Variants in LRP11 observed in about 807,000 individuals in gnomAD.
The protein encoded by LRP11 is low-density lipoprotein receptor-related protein 11.
LRP11 carries 25 observed loss-of-function variants against 43.1 expected under a neutral mutation model. The observed-to-expected ratio is 0.58, with a 90% CI of 0.42 to 0.81. The LOEUF (loss-of-function observed/expected upper bound fraction) is 0.81, where lower values mean the gene tolerates loss of function less well. Ranked by LOEUF, LRP11 falls within the 30% of genes least tolerant of loss-of-function variation. The probability of loss-of-function intolerance (pLI) is 0.00; values close to 1 mark genes in which losing one functional copy is unlikely to be tolerated. For missense variants in LRP11, 623 were observed against 665.1 expected, an observed-to-expected ratio of 0.94 and a Z score of 0.70; for synonymous variants, 316 against 299.4, an observed-to-expected ratio of 1.06 and a Z score of -0.57.
intron 1 of LRP11, among the ~76,000 whole-genome samples, chr6:149,859,803 C>T (rs1030119613): frequency 6.6e-6 from 1 of 152,134 alleles, no homozygotes; most frequent in African/African-American, 2.4e-5. Context: ...AATCTATCCC[C>T]TTTCTTTGTG....
At chr6:149,846,953 T>TAGAATAGAATAGAATAG (rs1554259656) in intron 2 of LRP11, among the ~76,000 whole-genome samples, 2 of 131,414 alleles carry the variant, frequency 1.5e-5, no homozygotes, top group African/African-American at 5.9e-5. Context: ...TAAAATAAAA[T>TAGAATAGAATAGAATAG]AATAGAATAG....
intron 5 of LRP11, among the ~76,000 whole-genome samples, chr6:149,833,464 TTAA>T (rs1776434770): frequency 1.3e-5 from 2 of 152,174 alleles, no homozygotes; most frequent in African/African-American, 2.4e-5. Flanking sequence ...TGATGAATAG[TTAA>T]TAATACATGA....
intron 2 of LRP11, among the ~76,000 whole-genome samples, chr6:149,843,793 C>G (rs913216982): frequency 6.6e-6 from 1 of 152,192 alleles, no homozygotes; most frequent in Non-Finnish European, 1.5e-5. Context: ...CCCTGAAAGG[C>G]CTGGCTGTGC....
At chr6:149,846,956 T>TAGAATAGAATAGAAG (rs1776643540) in intron 2 of LRP11, among the ~76,000 whole-genome samples, 1 of 86,200 alleles carries the variant, frequency 1.2e-5, no homozygotes, top group Non-Finnish European at 2.4e-5. Flanking sequence ...AATAAAATAA[T>TAGAATAGAATAGAAG]AGAATAGAAT....
intron 1 of LRP11, among the ~76,000 whole-genome samples, chr6:149,860,126 G>C (rs1336629957): frequency 6.6e-6 from 1 of 152,116 alleles, no homozygotes; most frequent in Non-Finnish European, 1.5e-5. Flanking sequence ...ACCTTGAATG[G>C]GAAGGTCAAC....
At chr6:149,826,153 C>A in intron 6 of LRP11, 111 bp downstream of exon 6, 1 of 832,020 alleles carries the variant, frequency 1.2e-6, no homozygotes, top group Non-Finnish European at 2.1e-6. Flanking sequence ...GGTCCACTGA[C>A]GGACTCCTCC....
At chr6:149,843,234 T>G (rs1776578656) in intron 2 of LRP11, 110 bp from the exon 3 acceptor site, 1 of 1,234,828 alleles carries the variant, frequency 8.1e-7, no homozygotes, top group Non-Finnish European at 1.2e-6. Context: ...GACCTGCCTC[T>G]GCACTCCGGC....
At chr6:149,840,204 C>A (rs991595207) in intron 3 of LRP11, among the ~76,000 whole-genome samples, 13 of 152,164 alleles carry the variant, frequency 8.5e-5, no homozygotes, top group Non-Finnish European at 1.9e-4. Context: ...CCAATACATA[C>A]AATGCAGGGG....
In LRP11 at chr6:149,863,437, AG is replaced by A; in HGVS notation, c.583del (p.Leu195TrpfsTer35). The stretch of plus-strand genomic sequence containing the variant: ...CCGGGGCGAGGCGCGCGCGGTGGCC[AG>A]GGCGGCGCCGTCCGGCGCGCGGCTG... ...SLSRAPDGAA[L>X]ATARASPRQE... On this transcript the variant is annotated frameshift_variant, in exon 1 of 7. Coordinates refer to ENST00000239367, the MANE Select transcript of LRP11 (RefSeq NM_032832.6). LOFTEE classifies it high-confidence loss of function. The A allele has an allele frequency of 7.6e-7, 1 of 1,313,554 alleles. No homozygotes were observed. Among genetic ancestry groups the A allele is most frequent in the South Asian group, 2.3e-5 (1 of 43,086 alleles). 81.4% of individuals were successfully genotyped at this position (1,313,554 alleles called of 1,614,324 possible).
chr6:149,837,358 T>A lies in LRP11; in HGVS notation c.1019A>T (p.Asp340Val). 1 of 1,614,002 alleles carries A rather than the reference T, an allele frequency of 6.2e-7. No individual in the cohort carries two copies. The highest frequency in any genetic ancestry group is 2.2e-5 in the East Asian group (1 of 44,882). ...DGVQQCPDGS[D>V]EDFCQNLGLD... Reference sequence around the variant, plus strand: ...CTCACGATTCTGGCAGAAGTCTTCATCAGACCCATCAGGACACTGCTGCAC... The same window carrying A: ...CTCACGATTCTGGCAGAAGTCTTCAACAGACCCATCAGGACACTGCTGCAC... The change falls in exon 4 of 7, where the codon GAT (aspartate) becomes GTT (valine). Residue 340 changes from aspartate (D) to valine (V), a missense_variant. Transcript: ENST00000239367.
chr6:149,862,384 G>A (rs1191510775), intron 1 of LRP11, among the ~76,000 whole-genome samples: 1 of 152,076 alleles, frequency 6.6e-6, no homozygotes, highest in Non-Finnish European at 1.5e-5. Flanking sequence ...AACACACGGA[G>A]CCTGACCACA....
At chr6:149,836,923 C>A (rs959872001) in intron 4 of LRP11, among the ~76,000 whole-genome samples, 1 of 152,078 alleles carries the variant, frequency 6.6e-6, no homozygotes, top group Non-Finnish European at 1.5e-5. Flanking sequence ...ACATTTTCTT[C>A]AGTTTTTCTT....
At chr6:149,854,768 C>T (rs897481083) in intron 1 of LRP11, among the ~76,000 whole-genome samples, 2 of 152,218 alleles carry the variant, frequency 1.3e-5, no homozygotes, top group Non-Finnish European at 1.5e-5. Flanking sequence ...GGCACCGCCT[C>T]TCCTCCTGCT....
chr6:149,836,007 A>G, intron 5 of LRP11, 78 bp downstream of exon 5: 1 of 1,322,816 alleles, frequency 7.6e-7, no homozygotes, highest in East Asian at 2.3e-5. Flanking sequence ...AACACTCTTC[A>G]AACATAAACT....
At position 149,864,125 on chromosome 6, in the gene LRP11, T is replaced by C; in HGVS notation, c.-105A>G. On this transcript the variant is annotated 5_prime_UTR_variant, in exon 1 of 7. Transcript: ENST00000239367. ...TGGGCCCCTCCTGCGCGGCCGCGGC[T>C]GGCTCTAGGCCCCGGCCTCACAGCG... 8.5e-7 allele frequency: 1 copy of C among 1,179,912 alleles called. No individual in the cohort carries two copies. The allele number at this position is 1,179,912 out of a possible 1,614,324, so 73.1% of individuals were successfully genotyped here.
chr6:149,826,974 C>T (rs1583076358), intron 5 of LRP11, among the ~76,000 whole-genome samples: 1 of 143,790 alleles, frequency 7.0e-6, no homozygotes, highest in Non-Finnish European at 1.5e-5. Context: ...TATTTATTTA[C>T]TTTTTTTTTT....
rs1455347161 is a variant in LRP11 at position 149,846,950 on chromosome 6, A to ATAG, written c.772-3827_772-3826insCTA. On this transcript the variant is annotated intron_variant, in intron 2 of 6. Coordinates refer to ENST00000239367, the MANE Select transcript of LRP11 (RefSeq NM_032832.6). The stretch of plus-strand genomic sequence containing the variant: ...TCCTATCTCAATATAAAATAAAATA[A>ATAG]AATAATAGAATAGAATAGAATAGAA... Among the ~76,000 whole-genome samples the ATAG allele has an allele frequency of 4.7e-3, 676 of 144,962 alleles. 7 individuals are homozygous for ATAG. The highest frequency in any genetic ancestry group is 0.015 in the African/African-American group (567 of 38,814).
Position 149,827,159 on chromosome 6 carries a change from G to GT in LRP11, c.1253-801dup, listed in dbSNP as rs1776351367. Reference sequence around the variant, plus strand: ...TTTTTGTATTTTTAGTAGAGACGGGGTTTTGCCATGTTCCCCAGATGGGCT... The same window carrying GT: ...TTTTTGTATTTTTAGTAGAGACGGGGTTTTTGCCATGTTCCCCAGATGGGCT... On this transcript the variant is annotated intron_variant, in intron 5 of 6. Transcript: ENST00000239367. This position sits in a 1 kb window ranked among gnomAD's most constrained non-coding sequence, Gnocchi z 4.2. 6.6e-6 allele frequency among the ~76,000 whole-genome samples: 1 copy of GT among 151,902 alleles called. No individual in the cohort carries two copies. The highest frequency in any genetic ancestry group is 2.4e-5 in the African/African-American group (1 of 41,352).
chr6:149,859,396 A>ATTTTTTTTTTTTTTTTT (rs1163759560), intron 1 of LRP11, among the ~76,000 whole-genome samples: 1 of 71,496 alleles, frequency 1.4e-5, no homozygotes, highest in African/African-American at 8.2e-5. Context: ...ATATATATAT[A>ATTTTTTTTTTTTTTTTT]TTTTTTTTTT....
Sources: allele counts gnomAD v4.1 joint callset (sites outside exome capture counted in the v4.1 genomes callset), GRCh38; gene constraint gnomAD v4.1.1; non-coding constraint Gnocchi (gnomAD v3.1); transcripts MANE v1.5; gene names NCBI Gene and HGNC (gene_info 2026-07-23, HGNC 2026-07-21).